CRTC1: variants seen among roughly 807,000 people sequenced by gnomAD.
The protein encoded by CRTC1 is CREB-regulated transcription coactivator 1.
A neutral mutation model predicts 66.1 loss-of-function variants in CRTC1; 18 were observed. The ratio of observed to expected loss-of-function variants is 0.27; its 90% confidence interval spans 0.19 to 0.40. CRTC1 has a LOEUF of 0.40. CRTC1 is among the 10% of genes least tolerant of loss of function. CRTC1 has a pLI of 1.00. For synonymous variants in CRTC1, 416 were observed against 398.8 expected, an observed-to-expected ratio of 1.04 and a Z score of -0.51; for missense variants, 669 against 887.9, an observed-to-expected ratio of 0.75 and a Z score of 3.13.
At chr19:18,735,010 C>T (rs921785151) in intron 1 of CRTC1, among the ~76,000 whole-genome samples, 4 of 152,204 alleles carry the variant, frequency 2.6e-5, no homozygotes, top group African/African-American at 7.2e-5. Flanking sequence ...GCGAGGCGTC[C>T]GGGCAGAAAA....
intron 1 of CRTC1, among the ~76,000 whole-genome samples, chr19:18,737,157 G>T (rs2054014814): frequency 6.6e-6 from 1 of 152,060 alleles, no homozygotes; most frequent in South Asian, 2.1e-4. Context: ...GACAGAGGCA[G>T]AGGTGGGCGT....
chr19:18,748,070 C>T (rs915042134), intron 4 of CRTC1, among the ~76,000 whole-genome samples: 5 of 151,266 alleles, frequency 3.3e-5, no homozygotes, highest in Admixed American at 2.6e-4. Flanking sequence ...GAGCGAGACC[C>T]TGTCTCCAAG....
chr19:18,716,613 G>T (rs887172688), intron 1 of CRTC1, among the ~76,000 whole-genome samples: 1 of 152,142 alleles, frequency 6.6e-6, no homozygotes. Flanking sequence ...AGAGCCCAGC[G>T]GGCATTAGTG....
intron 1 of CRTC1, among the ~76,000 whole-genome samples, chr19:18,700,960 C>T (rs1461597538): frequency 2.6e-5 from 4 of 152,262 alleles, no homozygotes; most frequent in African/African-American, 7.2e-5. Context: ...GCGGGGATCC[C>T]TTCGGTCCTC....
chr19:18,769,487 T>C (rs1298422878), intron 10 of CRTC1, among the ~76,000 whole-genome samples: 5 of 152,212 alleles, frequency 3.3e-5, no homozygotes, highest in Non-Finnish European at 7.4e-5. Flanking sequence ...AGGCTAAATG[T>C]CCTCCAAACA....
chr19:18,782,211 C>T lies in CRTC1; in HGVS notation c.*4829C>T. The T allele has an allele frequency of 4.4e-6, 1 of 228,368 alleles. No homozygotes were observed. Among genetic ancestry groups the T allele is most frequent in the Non-Finnish European group, 8.7e-6 (1 of 114,984 alleles). The allele number at this position is 228,368 out of a possible 1,614,324, so 14.1% of individuals were successfully genotyped here. A position where few individuals can be genotyped will look rare whatever the true frequency, so the allele number is the denominator to read the frequency against. Reference sequence around the variant, plus strand: ...CATGATTGTGGGCGGCCGCAGCGGGCGGGGGCAGGCGGCTCAGGGCACACT... The same window carrying T: ...CATGATTGTGGGCGGCCGCAGCGGGTGGGGGCAGGCGGCTCAGGGCACACT... On this transcript the variant is annotated 3_prime_UTR_variant, in exon 14 of 14. Coordinates refer to ENST00000321949, the MANE Select transcript of CRTC1 (RefSeq NM_015321.3).
intron 2 of CRTC1, 95 bp from the exon 3 acceptor site, chr19:18,745,728 G>C: frequency 1.3e-6 from 2 of 1,510,360 alleles, no homozygotes; most frequent in Admixed American, 3.4e-5. Flanking sequence ...AGAGTGGGGG[G>C]CCCTGCGATC....
chr19:18,780,704 A>AT lies in CRTC1; in HGVS notation c.*3329dup. On this transcript the variant is annotated 3_prime_UTR_variant, in exon 14 of 14. Transcript: ENST00000321949. ...GGCCAGGCCGGGTGGCTTCTATTTT[A>AT]TTTTTTTAGAGATGGGGTCTTGCTG... is the stretch of plus-strand genomic sequence containing the variant. The AT allele has an allele frequency of 4.6e-6, 1 of 217,588 alleles. No individual in the cohort carries two copies. Among genetic ancestry groups the AT allele is most frequent in the Middle Eastern group, 1.4e-3 (1 of 720 alleles). The allele number at this position is 217,588 out of a possible 1,614,324, so 13.5% of individuals were successfully genotyped here.
intron 1 of CRTC1, among the ~76,000 whole-genome samples, chr19:18,736,865 T>C (rs2054007949): frequency 1.3e-5 from 2 of 152,190 alleles, no homozygotes; most frequent in Admixed American, 1.3e-4. Context: ...CCGGTTGCCA[T>C]GGCAGTTGCT....
intron 1 of CRTC1, among the ~76,000 whole-genome samples, chr19:18,715,549 G>A (rs1423056896): frequency 6.6e-6 from 1 of 152,184 alleles, no homozygotes; most frequent in African/African-American, 2.4e-5. Context: ...TACTTTTCTG[G>A]GAGTACGTCC....
Position 18,781,563 on chromosome 19 carries a change from C to T in CRTC1, c.*4181C>T, listed in dbSNP as rs780543984. On this transcript the variant is annotated 3_prime_UTR_variant, in exon 14 of 14. Transcript: ENST00000321949. Reference sequence around the variant, plus strand: ...ACTGGCCACAGACACCATTCTCCCCCTGGGAGCAGGAGGTGGAGTAAGTTG... The same window carrying T: ...ACTGGCCACAGACACCATTCTCCCCTTGGGAGCAGGAGGTGGAGTAAGTTG... 3.0e-5 allele frequency: 7 copies of T among 229,786 alleles called. No homozygotes were observed. The highest frequency in any genetic ancestry group is 4.3e-5 in the Non-Finnish European group (5 of 115,996). 14.2% of individuals were successfully genotyped at this position (229,786 alleles called of 1,614,324 possible).
intron 3 of CRTC1, 121 bp downstream of exon 3, chr19:18,746,081 G>C: frequency 7.4e-7 from 1 of 1,344,956 alleles, no homozygotes; most frequent in Non-Finnish European, 1.0e-6. Flanking sequence ...ACAGAATCAG[G>C]GCAGCACCAT....
intron 1 of CRTC1, among the ~76,000 whole-genome samples, chr19:18,742,327 G>A (rs77570884): frequency 0.017 from 2,578 of 152,300 alleles, 48 homozygotes; most frequent in East Asian, 0.045. Context: ...AGGCTGGGAA[G>A]GACCATGAGG....
Position 18,711,197 on chromosome 19 carries a change from G to A in CRTC1, c.126+27369G>A, listed in dbSNP as rs190547869. On this transcript the variant is annotated intron_variant, in intron 1 of 13. Coordinates refer to ENST00000321949, the MANE Select transcript of CRTC1 (RefSeq NM_015321.3). ...CGTCCCAGGTGGCCTGCTTCTCGGGGAGGGGCCTGGGAGGACTTCTTGTTT... is the reference window on the plus strand; with the variant it reads ...CGTCCCAGGTGGCCTGCTTCTCGGGAAGGGGCCTGGGAGGACTTCTTGTTT... 2.5e-3 allele frequency among the ~76,000 whole-genome samples: 381 copies of A among 152,322 alleles called. 1 individual carries two copies. Among genetic ancestry groups the A allele is most frequent in the African/African-American group, 8.8e-3 (364 of 41,578 alleles).
chr19:18,781,296 G>A lies in CRTC1; in HGVS notation c.*3914G>A, dbSNP rs901591331. 8.7e-6 allele frequency: 2 copies of A among 228,710 alleles called. No homozygotes were observed. The highest frequency in any genetic ancestry group is 1.7e-5 in the Non-Finnish European group (2 of 115,384). The allele number at this position is 228,710 out of a possible 1,614,324, so 14.2% of individuals were successfully genotyped here. A position where few individuals can be genotyped will look rare whatever the true frequency, so the allele number is the denominator to read the frequency against. ...ACTCGGCCCCTCACTCACCCTGGGA[G>A]GCCTGCCTGGGCTACATGGACACCT... On this transcript the variant is annotated 3_prime_UTR_variant, in exon 14 of 14. Coordinates refer to ENST00000321949, the MANE Select transcript of CRTC1 (RefSeq NM_015321.3).
chr19:18,709,300 C>T (rs900114016), intron 1 of CRTC1, among the ~76,000 whole-genome samples: 2 of 152,138 alleles, frequency 1.3e-5, no homozygotes, highest in Admixed American at 6.5e-5. Flanking sequence ...GGCCCCTCAT[C>T]CTCTGTCCTG....
Position 18,768,652 on chromosome 19 carries a change from C to T in CRTC1, c.1179C>T (p.Pro393=). ...CCCCACAGGCGCCCGTCCGCCTGCC[C>T]CCTGGTGGCCCCCTGTTGCCCAGCG... ...PPPPQAPVRL[P]PGGPLLPSAS... is the part of the protein sequence containing the mutation. Residue 393 remains proline (P), a synonymous_variant, in exon 10 of 14, where the codon CCC becomes CCT. Coordinates refer to ENST00000321949, the MANE Select transcript of CRTC1 (RefSeq NM_015321.3). The surrounding 1 kb of genome is among the most constrained non-coding windows in gnomAD (Gnocchi z 5.6). 6.5e-7 allele frequency: 1 copy of T among 1,538,022 alleles called. No homozygotes were observed. Among genetic ancestry groups the T allele is most frequent in the African/African-American group, 1.4e-5 (1 of 72,542 alleles).
chr19:18,760,096 A>T lies in CRTC1; in HGVS notation c.754A>T (p.Ile252Phe), dbSNP rs768077257. 2 of 1,613,422 alleles carry T rather than the reference A, an allele frequency of 1.2e-6. No individual in the cohort carries two copies. Among genetic ancestry groups the T allele is most frequent in the African/African-American group, 1.3e-5 (1 of 74,758 alleles). The change falls in exon 8 of 14, where the codon ATC becomes TTC. Residue 252 changes from isoleucine (I) to phenylalanine (F), a missense_variant. Around this residue, in one of 8 missense-constraint regions of CRTC1, gnomAD observed 214 missense variants for 323.4 expected, o/e 0.66. Coordinates refer to ENST00000321949, the MANE Select transcript of CRTC1 (RefSeq NM_015321.3). The surrounding 1 kb of genome is among the most constrained non-coding windows in gnomAD (Gnocchi z 6.2). Reference sequence around the variant, plus strand: ...GGGGTCCCTGCCCGACCTGACCAACATCCACTTCCCCTCCCCGCTCCCGAC... The same window carrying T: ...GGGGTCCCTGCCCGACCTGACCAACTTCCACTTCCCCTCCCCGCTCCCGAC... ...TGGSLPDLTNIHFPSPLPTPL... is the reference protein window; with the variant it reads ...TGGSLPDLTNFHFPSPLPTPL...
chr19:18,719,004 G>A (rs972310533), intron 1 of CRTC1, among the ~76,000 whole-genome samples: 2 of 152,210 alleles, frequency 1.3e-5, no homozygotes, highest in African/African-American at 4.8e-5. Flanking sequence ...AGGGAGCAGG[G>A]AGGCCTGGGA....
Sources: gnomAD v4.1 joint callset for allele counts (sites outside exome capture counted in the v4.1 genomes callset) on GRCh38, gnomAD v4.1.1 for gene constraint, gnomAD v4.1.1 regional missense constraint, Gnocchi (gnomAD v3.1) non-coding constraint, MANE v1.5 for transcripts, NCBI Gene and HGNC (gene_info 2026-07-23, HGNC 2026-07-21) for gene names.